ZNF592: variants seen among roughly 807,000 people sequenced by gnomAD.
ZNF592 encodes the protein zinc finger protein 592, also known as spinocerebellar ataxia, autosomal recessive 5.
Under a neutral mutation model 80.3 loss-of-function variants are expected in ZNF592, and 11 were observed. That is an observed-to-expected ratio of 0.14 (90% CI 0.09 to 0.23). The LOEUF (loss-of-function observed/expected upper bound fraction) is 0.23. Ranked by LOEUF, ZNF592 falls within the 10% of genes least tolerant of loss-of-function variation. The pLI is 1.00. For synonymous variants in ZNF592, 646 were observed against 640.3 expected, an observed-to-expected ratio of 1.01 and a Z score of -0.13; for missense variants, 1,420 against 1,633.9, an observed-to-expected ratio of 0.87 and a Z score of 2.26.
At chr15:84,788,368 T>C (rs546229194) in intron 4 of ZNF592, among the ~76,000 whole-genome samples, 8 of 152,338 alleles carry the variant, frequency 5.3e-5, no homozygotes, top group Admixed American at 3.9e-4. Context: ...TGTTTCTTTC[T>C]CATTTATTAG....
intron 5 of ZNF592, among the ~76,000 whole-genome samples, chr15:84,792,516 T>C (rs1207748147): frequency 6.6e-6 from 1 of 152,192 alleles, no homozygotes; most frequent in Admixed American, 6.5e-5. Flanking sequence ...AGTGGTGTGA[T>C]CGTGGCTCAC....
In ZNF592 at chr15:84,799,178, C is replaced by T. The variant is rs757501368; in HGVS notation, c.3105C>T (p.Asn1035=). The T allele has an allele frequency of 1.2e-6, 2 of 1,614,106 alleles. No individual in the cohort carries two copies. The highest frequency in any genetic ancestry group is 1.7e-6 in the Non-Finnish European group (2 of 1,180,008). ...PNSLRKHIRN[N]HDTVKKFYTC... is the part of the protein sequence containing the mutation. ...GCCTGCGCAAACACATCCGCAACAA[C>T]CATGACACAGTAAAGAAGTTCTACA... is the stretch of plus-strand genomic sequence containing the variant. The change falls in exon 9 of 11, where the codon AAC becomes AAT. Residue 1035 remains asparagine, a synonymous_variant. Transcript: ENST00000560079. This position sits in a 1 kb window ranked among gnomAD's most constrained non-coding sequence, Gnocchi z 4.2.
At chr15:84,789,591 C>T (rs1283111774) in intron 4 of ZNF592, among the ~76,000 whole-genome samples, 1 of 152,242 alleles carries the variant, frequency 6.6e-6, no homozygotes, top group African/African-American at 2.4e-5. Context: ...TCCTCACCAG[C>T]ACTTATTTTC....
chr15:84,753,907 A>G (rs1353140342), intron 1 of ZNF592, among the ~76,000 whole-genome samples: 1 of 152,190 alleles, frequency 6.6e-6, no homozygotes, highest in African/African-American at 2.4e-5. Flanking sequence ...GTGTGTTTTC[A>G]TTTGTGGGCA....
Position 84,804,457 on chromosome 15 carries a change from G to A in ZNF592, c.*2064G>A, listed in dbSNP as rs1309713584. ...ACCCCAGATATACATCTCCTTCCTG[G>A]GAAGAACGTGAGTTGGAAAAATGCT... On this transcript the variant is annotated 3_prime_UTR_variant, in exon 11 of 11. Transcript: ENST00000560079. The A allele has an allele frequency of 1.3e-5, 2 of 152,194 alleles. No individual in the cohort carries two copies. The highest frequency in any genetic ancestry group is 2.9e-5 in the Non-Finnish European group (2 of 68,050). The allele number at this position is 152,194 out of a possible 1,614,324, so 9.4% of individuals were successfully genotyped here.
At chr15:84,773,337 G>T (rs1479454310) in intron 2 of ZNF592, among the ~76,000 whole-genome samples, 2 of 151,072 alleles carry the variant, frequency 1.3e-5, no homozygotes, top group Non-Finnish European at 1.5e-5. Context: ...TCAGCCTCCC[G>T]AGTAGCTGGG....
In ZNF592 at chr15:84,799,154, C is replaced by T. The variant is rs1567078141; in HGVS notation, c.3081C>T (p.Ser1027=). The T allele has an allele frequency of 1.9e-6, 3 of 1,614,184 alleles. No homozygotes were observed. The highest frequency in any genetic ancestry group is 4.5e-5 in the East Asian group (2 of 44,870). ...QCEQSFHTPN[S]LRKHIRNNHD... ...AACAGTCCTTCCACACCCCCAACAG[C>T]CTGCGCAAACACATCCGCAACAACC... Residue 1027 remains serine (S), a synonymous_variant, in exon 9 of 11, where the codon AGC becomes AGT. Coordinates refer to ENST00000560079, the MANE Select transcript of ZNF592 (RefSeq NM_014630.3). This position sits in a 1 kb window ranked among gnomAD's most constrained non-coding sequence, Gnocchi z 4.2.
intron 2 of ZNF592, among the ~76,000 whole-genome samples, chr15:84,776,317 G>C (rs987412719): frequency 2.6e-5 from 4 of 152,252 alleles, no homozygotes; most frequent in Non-Finnish European, 4.4e-5. Flanking sequence ...ACTTTGGCTT[G>C]CTGCTTCCAA....
Position 84,802,414 on chromosome 15 carries a change from A to G in ZNF592, c.*21A>G, listed in dbSNP as rs767221819. The stretch of plus-strand genomic sequence containing the variant: ...TGTGACCGGAGACTTTGCAGTGTGC[A>G]TGGTCAGGGGTGGTGCCGAAGTGTC... On this transcript the variant is annotated 3_prime_UTR_variant, in exon 11 of 11. Coordinates refer to ENST00000560079, the MANE Select transcript of ZNF592 (RefSeq NM_014630.3). The G allele has an allele frequency of 8.7e-6, 14 of 1,612,598 alleles. No homozygotes were observed. In the South Asian group the frequency reaches 1.5e-4, roughly 18 times the overall value.
chr15:84,780,587 G>T (rs1442873380), intron 3 of ZNF592, among the ~76,000 whole-genome samples: 1 of 152,184 alleles, frequency 6.6e-6, no homozygotes, highest in African/African-American at 2.4e-5. Context: ...ACCATAATTA[G>T]ATATCTTCCC....
chr15:84,772,644 G>A (rs1175049824), intron 2 of ZNF592, among the ~76,000 whole-genome samples: 1 of 152,194 alleles, frequency 6.6e-6, no homozygotes, highest in East Asian at 1.9e-4. Context: ...TCATGTGGGG[G>A]AGCAGGGTTG....
chr15:84,785,612 A>G (rs1307289755), intron 4 of ZNF592, among the ~76,000 whole-genome samples: 3 of 152,188 alleles, frequency 2.0e-5, no homozygotes, highest in African/African-American at 7.2e-5. Flanking sequence ...GTCCCCAGCC[A>G]AAGAACTGTG....
chr15:84,769,728 T>A (rs1447920638), intron 2 of ZNF592, among the ~76,000 whole-genome samples: 2 of 151,832 alleles, frequency 1.3e-5, no homozygotes, highest in Admixed American at 1.3e-4. Context: ...TTGAAGAGAG[T>A]AGGGACATGA....
intron 5 of ZNF592, among the ~76,000 whole-genome samples, chr15:84,793,912 G>T (rs981743276): frequency 6.6e-6 from 1 of 152,168 alleles, no homozygotes; most frequent in Non-Finnish European, 1.5e-5. Flanking sequence ...GGACCTTTGG[G>T]TTGGTTTCCC....
chr15:84,751,246 A>G (rs1899005099), intron 1 of ZNF592, among the ~76,000 whole-genome samples: 3 of 152,258 alleles, frequency 2.0e-5, no homozygotes, highest in Admixed American at 2.0e-4. Context: ...AGTCCTCTCT[A>G]CACCCTAAGA....
Position 84,802,385 on chromosome 15 carries a change from C to G in ZNF592, c.3796C>G (p.Gln1266Glu). 1.2e-6 allele frequency: 2 copies of G among 1,613,510 alleles called. No homozygotes were observed. Among genetic ancestry groups the G allele is most frequent in the Non-Finnish European group, 8.5e-7 (1 of 1,180,000 alleles). Residue 1266 changes from glutamine to glutamate, a missense_variant, in exon 11 of 11, where the codon CAG (glutamine) becomes GAG (glutamate). Transcript: ENST00000560079. ...QDQDSHTLSP[Q>E]V ...CCAGGACAGCCACACACTGTCCCCTCAGGTGTGACCGGAGACTTTGCAGTG... is the reference window on the plus strand; with the variant it reads ...CCAGGACAGCCACACACTGTCCCCTGAGGTGTGACCGGAGACTTTGCAGTG...
At chr15:84,793,727 A>G (rs1167044672) in intron 5 of ZNF592, among the ~76,000 whole-genome samples, 1 of 152,168 alleles carries the variant, frequency 6.6e-6, no homozygotes, top group Non-Finnish European at 1.5e-5. Context: ...TCGCTAATTT[A>G]CTTTCTGTCT....
At chr15:84,766,774 G>A (rs764568685) in intron 2 of ZNF592, among the ~76,000 whole-genome samples, 1 of 150,452 alleles carries the variant, frequency 6.6e-6, no homozygotes, top group East Asian at 2.0e-4. Flanking sequence ...ACACTTGGGA[G>A]AGAAACTTTA....
At chr15:84,767,183 T>C (rs1364615387) in intron 2 of ZNF592, among the ~76,000 whole-genome samples, 2 of 151,960 alleles carry the variant, frequency 1.3e-5, no homozygotes, top group Non-Finnish European at 2.9e-5. Flanking sequence ...TTTTAGTAAT[T>C]TTTTTGTATT....
Sources: allele counts gnomAD v4.1 joint callset (sites outside exome capture counted in the v4.1 genomes callset), GRCh38; gene constraint gnomAD v4.1.1; non-coding constraint Gnocchi (gnomAD v3.1); transcripts MANE v1.5; gene names NCBI Gene and HGNC (gene_info 2026-07-23, HGNC 2026-07-21).